The following VMP1 variants were observed in gnomAD, a reference collection of about 807,000 sequenced individuals.
VMP1 encodes the protein ectopic P-granules autophagy protein 3 homolog.
Under a neutral mutation model 56.0 loss-of-function variants are expected in VMP1, and 11 were observed. The ratio of observed to expected loss-of-function variants is 0.20; its 90% CI spans 0.12 to 0.32. The LOEUF (loss-of-function observed/expected upper bound fraction) is 0.32, where lower values mean the gene tolerates loss of function less well. Ranked by LOEUF, VMP1 falls within the 10% of genes least tolerant of loss-of-function variation. The probability of loss-of-function intolerance (pLI) is 1.00; values close to 1 mark genes in which losing one functional copy is unlikely to be tolerated. For missense variants in VMP1, 296 were observed against 490.3 expected (o/e 0.60, Z 3.74); for synonymous variants, 149 against 165.0 (o/e 0.90, Z 0.74).
rs1373544278 is a variant in VMP1 at position 59,811,841 on chromosome 17, T to G, written c.912+55T>G. ...TGATGATGAACCCATTACAAGACAA[T>G]GAAACATGCTCATTCCTAAGTGAAT... On this transcript the variant is annotated intron_variant, in intron 9 of 11. Transcript: ENST00000262291. 5 of 1,190,860 alleles carry G rather than the reference T, an allele frequency of 4.2e-6. No individual in the cohort carries two copies. The East Asian group carries it at 7.0e-5, about 17-fold the overall frequency. 73.8% of individuals were successfully genotyped at this position (1,190,860 alleles called of 1,614,324 possible). A position where few individuals can be genotyped will look rare whatever the true frequency, so the allele number is the denominator to read the frequency against.
chr17:59,751,559 T>C (rs940538445), intron 5 of VMP1, among the ~76,000 whole-genome samples: 5 of 148,914 alleles, frequency 3.4e-5, no homozygotes, highest in Admixed American at 1.3e-4. Flanking sequence ...CTGGCCAACA[T>C]GGTGAAACCC....
At chr17:59,731,127 G>A (rs1416932857) in intron 1 of VMP1, among the ~76,000 whole-genome samples, 2 of 151,932 alleles carry the variant, frequency 1.3e-5, no homozygotes, top group African/African-American at 4.8e-5. Flanking sequence ...CTCCTTCTGT[G>A]GACAGATTAC....
intron 10 of VMP1, among the ~76,000 whole-genome samples, chr17:59,820,994 G>A (rs377111987): frequency 1.9e-3 from 269 of 142,558 alleles, no homozygotes; most frequent in Non-Finnish European, 2.0e-3. Flanking sequence ...TTTTTGTGAC[G>A]GAGTCTCACT....
chr17:59,799,134 A>G (rs2144161119), intron 7 of VMP1, among the ~76,000 whole-genome samples: 1 of 152,284 alleles, frequency 6.6e-6, no homozygotes, highest in East Asian at 1.9e-4. Flanking sequence ...TGCTTCTGGT[A>G]GTTTTTAGTT....
intron 7 of VMP1, among the ~76,000 whole-genome samples, chr17:59,782,062 C>T (rs1228956262): frequency 6.6e-6 from 1 of 152,108 alleles, no homozygotes; most frequent in African/African-American, 2.4e-5. Flanking sequence ...GCACATGTCA[C>T]CACGCCCAGC....
At chr17:59,821,891 G>A (rs2038468270) in intron 10 of VMP1, among the ~76,000 whole-genome samples, 2 of 150,142 alleles carry the variant, frequency 1.3e-5, no homozygotes, top group South Asian at 4.2e-4. Flanking sequence ...CGCCCAGGCT[G>A]GGGTACAGTG....
intron 1 of VMP1, among the ~76,000 whole-genome samples, chr17:59,723,055 T>G (rs908588289): frequency 1.3e-5 from 2 of 152,188 alleles, no homozygotes; most frequent in Non-Finnish European, 2.9e-5. Context: ...AAGATCACCA[T>G]TGTATCTGGG....
intron 10 of VMP1, among the ~76,000 whole-genome samples, 157 bp downstream of exon 10, chr17:59,817,930 T>C (rs905050081): frequency 6.6e-6 from 1 of 152,214 alleles, no homozygotes; most frequent in African/African-American, 2.4e-5. Flanking sequence ...AATACTTTCT[T>C]GTTCTATAGT....
chr17:59,742,829 C>T (rs545711261), intron 5 of VMP1, among the ~76,000 whole-genome samples: 6 of 152,200 alleles, frequency 3.9e-5, no homozygotes, highest in South Asian at 2.1e-4. Context: ...CATAGGAGCT[C>T]GAACCTTATT....
chr17:59,812,835 G>A (rs750076819), intron 9 of VMP1, among the ~76,000 whole-genome samples: 45 of 152,232 alleles, frequency 3.0e-4, no homozygotes, highest in African/African-American at 1.0e-3. Flanking sequence ...GGAGGCTGAC[G>A]CAGGAGAGTC....
chr17:59,801,770 C>G (rs977769887), intron 7 of VMP1, among the ~76,000 whole-genome samples: 6 of 152,182 alleles, frequency 3.9e-5, no homozygotes, highest in Admixed American at 2.6e-4. Flanking sequence ...TGGCAGGTGC[C>G]TGTAATCCCA....
At chr17:59,789,490 G>A (rs1231730411) in intron 7 of VMP1, among the ~76,000 whole-genome samples, 1 of 151,480 alleles carries the variant, frequency 6.6e-6, no homozygotes, top group Non-Finnish European at 1.5e-5. Flanking sequence ...AGCCAAAATC[G>A]CTCCACTGCA....
At chr17:59,758,895 G>C (rs1221781277) in intron 5 of VMP1, among the ~76,000 whole-genome samples, 1 of 152,076 alleles carries the variant, frequency 6.6e-6, no homozygotes, top group African/African-American at 2.4e-5. Flanking sequence ...AAGAGTTAGA[G>C]ACCAGCCTGG....
chr17:59,730,064 G>A (rs1210376616), intron 1 of VMP1: 1 of 152,072 alleles, frequency 6.6e-6, no homozygotes, highest in Non-Finnish European at 1.5e-5. Context: ...TTCCTTGATG[G>A]CTAAAGATGT....
At chr17:59,727,118 T>C (rs1365712788) in intron 1 of VMP1, among the ~76,000 whole-genome samples, 1 of 151,638 alleles carries the variant, frequency 6.6e-6, no homozygotes, top group African/African-American at 2.4e-5. Context: ...TTCTCCAGTC[T>C]GTTAGACTTT....
At chr17:59,790,035 T>G (rs777632991) in intron 7 of VMP1, among the ~76,000 whole-genome samples, 2 of 151,952 alleles carry the variant, frequency 1.3e-5, no homozygotes, top group Non-Finnish European at 2.9e-5. Flanking sequence ...GAGACAGGGC[T>G]TCACCATATT....
intron 1 of VMP1, among the ~76,000 whole-genome samples, chr17:59,710,999 G>C (rs1367542000): frequency 6.6e-6 from 1 of 152,042 alleles, no homozygotes; most frequent in Non-Finnish European, 1.5e-5. Context: ...TTTGAACCCG[G>C]GAGGCGGAGG....
intron 10 of VMP1, among the ~76,000 whole-genome samples, chr17:59,820,868 G>C (rs1451129383): frequency 6.6e-6 from 1 of 152,124 alleles, no homozygotes; most frequent in Non-Finnish European, 1.5e-5. Flanking sequence ...GCAGGCTTTA[G>C]AGTTTTTATG....
intron 6 of VMP1, among the ~76,000 whole-genome samples, chr17:59,772,979 T>TTTTTTTTG (rs1281043736): frequency 8.7e-6 from 1 of 114,466 alleles, no homozygotes; most frequent in Non-Finnish European, 1.7e-5. Context: ...TTTTTTTTTT[T>TTTTTTTTG]TGAGACAGAG....
Sources: gnomAD v4.1 joint callset for allele counts (sites outside exome capture counted in the v4.1 genomes callset) on GRCh38, gnomAD v4.1.1 for gene constraint, MANE v1.5 for transcripts, NCBI Gene and HGNC (gene_info 2026-07-23, HGNC 2026-07-21) for gene names.